Variants in KCNQ5 observed in about 807,000 individuals in gnomAD.
KCNQ5 encodes the protein potassium voltage-gated channel subfamily KQT member 5.
A neutral mutation model predicts 98.2 loss-of-function variants in KCNQ5; 30 were observed. The observed-to-expected ratio is 0.31, with a 90% CI of 0.23 to 0.41. The LOEUF is 0.41. Among genes scored for constraint, KCNQ5 ranks in the 10% least tolerant of loss-of-function variants. The probability of loss-of-function intolerance (pLI) is 1.00; values close to 1 mark genes in which losing one functional copy is unlikely to be tolerated. For synonymous variants in KCNQ5, 458 were observed against 449.4 expected, an observed-to-expected ratio of 1.02 and a Z score of -0.24; for missense variants, 835 against 1,182.5, an observed-to-expected ratio of 0.71 and a Z score of 4.31.
In KCNQ5 at chr6:73,195,103, TTGTC is replaced by T. The variant is rs749806944; in HGVS notation, c.2492_2495del (p.Ser831CysfsTer4). The T allele has an allele frequency of 6.2e-7, 1 of 1,614,092 alleles. No homozygotes were observed. Among genetic ancestry groups the T allele is most frequent in the African/African-American group, 1.3e-5 (1 of 74,940 alleles). On this transcript the variant is annotated frameshift_variant, in exon 14 of 14. Transcript: ENST00000370398. LOFTEE classifies it high-confidence loss of function. The stretch of plus-strand genomic sequence containing the variant: ...GGTGCCGAAGGACTTGGGCAAATCT[TTGTC>T]TGTGCAAAACCTGATCAGGTCGACC...
At chr6:73,073,068 C>A (rs1349230307) in intron 3 of KCNQ5, among the ~76,000 whole-genome samples, 2 of 152,092 alleles carry the variant, frequency 1.3e-5, no homozygotes, top group East Asian at 1.9e-4. Flanking sequence ...ATGCTTTATG[C>A]GATAACAATT....
At position 72,658,559 on chromosome 6, in the gene KCNQ5, G is replaced by GATATATATAT. The variant is rs1189137122; in HGVS notation, c.398+35983_398+35992dup. ...GCCTCCCAAAGTGCTGGGATTAAAGGATATATATATATATATATATTTTTT... is the reference window on the plus strand; with the variant it reads ...GCCTCCCAAAGTGCTGGGATTAAAGGATATATATATATATATATATATATATATATTTTTT... On this transcript the variant is annotated intron_variant, in intron 1 of 13. Transcript: ENST00000370398. Among the ~76,000 whole-genome samples the GATATATATAT allele has an allele frequency of 1.5e-3, 136 of 88,412 alleles. 1 individual carries two copies. The highest frequency in any genetic ancestry group is 4.9e-3 in the African/African-American group (73 of 14,880). 58.0% of individuals were successfully genotyped at this position (88,412 alleles called of 152,430 possible). A position where few individuals can be genotyped will look rare whatever the true frequency, so the allele number is the denominator to read the frequency against.
intron 1 of KCNQ5, among the ~76,000 whole-genome samples, chr6:72,823,720 G>A (rs1295802533): frequency 1.3e-5 from 2 of 152,072 alleles, no homozygotes; most frequent in African/African-American, 4.8e-5. Flanking sequence ...CCCCGAAGTT[G>A]CACTTATGGT....
chr6:72,812,993 C>G (rs1053788581), intron 1 of KCNQ5, among the ~76,000 whole-genome samples: 1 of 152,058 alleles, frequency 6.6e-6, no homozygotes, highest in African/African-American at 2.4e-5. Flanking sequence ...GATACTATTA[C>G]AATATAGTAT....
At chr6:72,919,792 A>G (rs945511973) in intron 1 of KCNQ5, among the ~76,000 whole-genome samples, 1 of 152,228 alleles carries the variant, frequency 6.6e-6, no homozygotes, top group African/African-American at 2.4e-5. Flanking sequence ...GCCTTTGGTT[A>G]TAGACCAATC....
chr6:72,828,945 T>A (rs943702565), intron 1 of KCNQ5, among the ~76,000 whole-genome samples: 1 of 152,104 alleles, frequency 6.6e-6, no homozygotes, highest in Non-Finnish European at 1.5e-5. Flanking sequence ...ATAAAATACA[T>A]TTATGTACAT....
intron 10 of KCNQ5, among the ~76,000 whole-genome samples, chr6:73,161,303 G>A (rs1777607708): frequency 6.6e-6 from 1 of 152,178 alleles, no homozygotes; most frequent in Non-Finnish European, 1.5e-5. Flanking sequence ...TCCAGAGGCT[G>A]GGAAGAGAAG....
chr6:72,756,452 A>C (rs1447656195), intron 1 of KCNQ5, among the ~76,000 whole-genome samples: 1 of 152,218 alleles, frequency 6.6e-6, no homozygotes, highest in Non-Finnish European at 1.5e-5. Flanking sequence ...ATACATTTTA[A>C]AATGAAGCTT....
chr6:73,102,545 AAAAAT>A (rs1774828493), intron 5 of KCNQ5, among the ~76,000 whole-genome samples: 1 of 152,198 alleles, frequency 6.6e-6, no homozygotes, highest in African/African-American at 2.4e-5. Flanking sequence ...CTGTATAAGA[AAAAAT>A]AAAATAATCC....
chr6:72,755,692 AC>A (rs1273674946), intron 1 of KCNQ5, among the ~76,000 whole-genome samples: 10 of 152,206 alleles, frequency 6.6e-5, no homozygotes, highest in Admixed American at 6.5e-4. Flanking sequence ...GCCTCACAAT[AC>A]ATTGTAACTA....
In KCNQ5 at chr6:72,853,297, A is replaced by G. The variant is rs1434744519; in HGVS notation, c.399-150611A>G. ...TTGTGATTCTAAGCCCTCTTTCTAA[A>G]TTTGAACTTCAGGTGGGATCCTAGA... On this transcript the variant is annotated intron_variant, in intron 1 of 13. Coordinates refer to ENST00000370398, the MANE Select transcript of KCNQ5 (RefSeq NM_019842.4). Among the ~76,000 whole-genome samples, 9 of 152,122 alleles carry G rather than the reference A, an allele frequency of 5.9e-5. 1 individual carries two copies. Among genetic ancestry groups the G allele is most frequent in the Admixed American group, 5.9e-4 (9 of 15,270 alleles).
chr6:72,692,344 GA>G (rs1349714512), intron 1 of KCNQ5, among the ~76,000 whole-genome samples: 1 of 152,190 alleles, frequency 6.6e-6, no homozygotes, highest in Non-Finnish European at 1.5e-5. Context: ...TAGCTTGCAG[GA>G]TGGTTTGGAG....
chr6:72,674,293 T>G (rs1039693096), intron 1 of KCNQ5, among the ~76,000 whole-genome samples: 4 of 152,030 alleles, frequency 2.6e-5, no homozygotes, highest in African/African-American at 9.7e-5. Context: ...TTAACTAGAT[T>G]AATTGCAGAA....
chr6:72,767,010 A>C (rs1311692757), intron 1 of KCNQ5, among the ~76,000 whole-genome samples: 3 of 151,980 alleles, frequency 2.0e-5, no homozygotes, highest in South Asian at 4.1e-4. Context: ...TGTGCTTTGA[A>C]GATAGAGATA....
chr6:72,681,001 C>T (rs992126242), intron 1 of KCNQ5, among the ~76,000 whole-genome samples: 23 of 152,218 alleles, frequency 1.5e-4, no homozygotes, highest in African/African-American at 5.1e-4. Flanking sequence ...CTGCTGGAAA[C>T]ACTGCTTACT....
chr6:72,781,753 T>A (rs898283718), intron 1 of KCNQ5, among the ~76,000 whole-genome samples: 2 of 152,206 alleles, frequency 1.3e-5, no homozygotes, highest in Non-Finnish European at 2.9e-5. Context: ...AAAAAAAGTA[T>A]TATATAAAAG....
intron 2 of KCNQ5, among the ~76,000 whole-genome samples, chr6:73,035,252 T>A (rs1398986001): frequency 6.6e-6 from 1 of 152,180 alleles, no homozygotes; most frequent in Non-Finnish European, 1.5e-5. Flanking sequence ...CCATTGTAAC[T>A]CCTACAAGGT....
At chr6:72,936,337 C>T (rs1278109274) in intron 1 of KCNQ5, among the ~76,000 whole-genome samples, 1 of 152,172 alleles carries the variant, frequency 6.6e-6, no homozygotes, top group East Asian at 1.9e-4. Flanking sequence ...TACTTTCCCA[C>T]CAGAATGAAA....
intron 11 of KCNQ5, among the ~76,000 whole-genome samples, chr6:73,184,594 A>G (rs888719296): frequency 4.6e-5 from 7 of 152,342 alleles, no homozygotes; most frequent in Non-Finnish European, 7.3e-5. Context: ...ATGCTGAAGT[A>G]AAGAGCACAG....
Sources: gnomAD v4.1 joint callset for allele counts (sites outside exome capture counted in the v4.1 genomes callset) on GRCh38, gnomAD v4.1.1 for gene constraint, MANE v1.5 for transcripts, NCBI Gene and HGNC (gene_info 2026-07-23, HGNC 2026-07-21) for gene names.